Variants in CDH12 observed in about 807,000 individuals in gnomAD.
CDH12 encodes cadherin-12.
CDH12 carries 41 observed loss-of-function variants against 74.1 expected under a neutral mutation model. The ratio of observed to expected loss-of-function variants is 0.55; its 90% CI spans 0.43 to 0.72. The LOEUF is 0.72. Among genes scored for constraint, CDH12 ranks in the 30% least tolerant of loss-of-function variants. CDH12 has a pLI of 0.00. For missense variants in CDH12, 945 were observed against 977.2 expected (o/e 0.97, Z 0.44); for synonymous variants, 399 against 355.0 (o/e 1.12, Z -1.39).
chr5:22,760,180 G>A (rs1746132252), intron 1 of CDH12, among the ~76,000 whole-genome samples: 1 of 152,192 alleles, frequency 6.6e-6, no homozygotes. Flanking sequence ...TTTTTCTGGT[G>A]GCCTTTCTGA....
intron 1 of CDH12, among the ~76,000 whole-genome samples, chr5:22,848,829 G>T (rs1253575652): frequency 6.6e-6 from 1 of 152,064 alleles, no homozygotes; most frequent in African/African-American, 2.4e-5. Flanking sequence ...ATATTTTGTA[G>T]ATAATCTGTC....
At chr5:22,687,820 G>T (rs2126938643) in intron 1 of CDH12, among the ~76,000 whole-genome samples, 1 of 152,218 alleles carries the variant, frequency 6.6e-6, no homozygotes, top group Admixed American at 6.5e-5. Flanking sequence ...ACATAAAAAA[G>T]ATTATCTGAA....
chr5:22,220,580 A>G (rs999132080), intron 3 of CDH12, among the ~76,000 whole-genome samples: 1 of 135,700 alleles, frequency 7.4e-6, no homozygotes, highest in African/African-American at 2.5e-5. Context: ...CTTGTTTATA[A>G]GAAGTGTAAG....
intron 1 of CDH12, among the ~76,000 whole-genome samples, chr5:22,659,691 A>G (rs1740246305): frequency 6.6e-6 from 1 of 152,096 alleles, no homozygotes; most frequent in South Asian, 2.1e-4. Context: ...TCTCTCGTGC[A>G]TACATACACA....
intron 3 of CDH12, among the ~76,000 whole-genome samples, chr5:22,372,018 T>C (rs747742211): frequency 1.2e-4 from 19 of 152,156 alleles, no homozygotes; most frequent in Non-Finnish European, 2.6e-4. Flanking sequence ...GAATGAAATG[T>C]GGACAAATTT....
chr5:21,942,762 C>T (rs1394044398), intron 6 of CDH12, among the ~76,000 whole-genome samples: 2 of 152,008 alleles, frequency 1.3e-5, no homozygotes, highest in Non-Finnish European at 2.9e-5. Flanking sequence ...TTGGGAATTG[C>T]TACATTATCC....
At chr5:22,022,086 C>T (rs1738021064) in intron 5 of CDH12, among the ~76,000 whole-genome samples, 1 of 152,216 alleles carries the variant, frequency 6.6e-6, no homozygotes, top group South Asian at 2.1e-4. Context: ...ATCCTCCCGC[C>T]TCAGCTTTCC....
chr5:21,907,634 C>G (rs1364987642), intron 6 of CDH12, among the ~76,000 whole-genome samples: 3 of 152,192 alleles, frequency 2.0e-5, no homozygotes, highest in Non-Finnish European at 4.4e-5. Context: ...AAAGAATACC[C>G]AGTTGCTTGC....
At chr5:21,852,039 G>T (rs1750493964) in intron 7 of CDH12, among the ~76,000 whole-genome samples, 2 of 151,466 alleles carry the variant, frequency 1.3e-5, no homozygotes, top group South Asian at 2.1e-4. Context: ...AAATCATAAA[G>T]GGAAGCTATA....
intron 8 of CDH12, among the ~76,000 whole-genome samples, chr5:21,833,333 A>ATGT (rs1749309422): frequency 1.6e-5 from 1 of 63,188 alleles, no homozygotes; most frequent in South Asian, 4.8e-4. Context: ...TATATATTAT[A>ATGT]TATTATATAA....
Position 22,557,321 on chromosome 5 carries a change from A to G in CDH12, c.-522-51957T>C, listed in dbSNP as rs529814559. Among the ~76,000 whole-genome samples the G allele has an allele frequency of 5.9e-5, 9 of 152,210 alleles. No individual in the cohort carries two copies. The South Asian group carries it at 1.9e-3, about 32-fold the overall frequency. ...ATTGAAAGAAATATGAAAGTATAACAATGCAATTTTCGTAACAGATTGATT... is the reference window on the plus strand; with the variant it reads ...ATTGAAAGAAATATGAAAGTATAACGATGCAATTTTCGTAACAGATTGATT... On this transcript the variant is annotated intron_variant, in intron 1 of 14. Coordinates refer to ENST00000382254, the MANE Select transcript of CDH12 (RefSeq NM_004061.5).
chr5:22,079,421 A>C (rs946670752), intron 4 of CDH12, among the ~76,000 whole-genome samples: 1 of 152,228 alleles, frequency 6.6e-6, no homozygotes, highest in Non-Finnish European at 1.5e-5. Context: ...AGAATAAAGA[A>C]AACAATTTTT....
chr5:21,816,811 C>A, intron 9 of CDH12, 134 bp downstream of exon 9: 1 of 545,186 alleles, frequency 1.8e-6, no homozygotes, highest in Non-Finnish European at 3.0e-6. Flanking sequence ...AGTACCCCAA[C>A]TCTCACATGG....
At chr5:22,003,896 CT>C (rs1399844511) in intron 5 of CDH12, among the ~76,000 whole-genome samples, 3 of 135,326 alleles carry the variant, frequency 2.2e-5, no homozygotes, top group Non-Finnish European at 4.7e-5. Flanking sequence ...TAAGAAGTGT[CT>C]TTTTTAATTT....
intron 3 of CDH12, among the ~76,000 whole-genome samples, chr5:22,293,055 C>A (rs1737465804): frequency 6.7e-6 from 1 of 148,176 alleles, no homozygotes; most frequent in Non-Finnish European, 1.5e-5. Context: ...ACATCCATTC[C>A]CAATCTGTAA....
chr5:22,728,217 T>C, intron 1 of CDH12, among the ~76,000 whole-genome samples: 1 of 151,888 alleles, frequency 6.6e-6, no homozygotes, highest in East Asian at 1.9e-4. Flanking sequence ...CTATTTTTTT[T>C]CCCAGTTCTA....
chr5:22,822,721 AG>A (rs1749773121), intron 1 of CDH12, among the ~76,000 whole-genome samples: 1 of 152,202 alleles, frequency 6.6e-6, no homozygotes, highest in Admixed American at 6.5e-5. Context: ...ATCATTAAAA[AG>A]TCAGGAAACA....
At chr5:21,845,277 C>T (rs545145120) in intron 7 of CDH12, among the ~76,000 whole-genome samples, 4 of 152,226 alleles carry the variant, frequency 2.6e-5, no homozygotes, top group African/African-American at 9.6e-5. Flanking sequence ...ATGCAATTCA[C>T]AGAATTGTTA....
intron 5 of CDH12, among the ~76,000 whole-genome samples, chr5:22,036,714 T>G (rs573151402): frequency 2.0e-5 from 3 of 152,342 alleles, no homozygotes; most frequent in Non-Finnish European, 1.5e-5. Context: ...TACTAGCTTT[T>G]AGGGTCTATA....
Sources: allele counts gnomAD v4.1 joint callset (sites outside exome capture counted in the v4.1 genomes callset), GRCh38; gene constraint gnomAD v4.1.1; transcripts MANE v1.5; gene names NCBI Gene and HGNC (gene_info 2026-07-23, HGNC 2026-07-21).